The following RBMS3 variants were observed in gnomAD, a reference collection of about 807,000 sequenced individuals.
RBMS3 encodes the protein RNA binding motif single stranded interacting protein 3.
In RBMS3, 27 loss-of-function variants were observed where a neutral mutation model predicts 66.8. That is an observed-to-expected ratio of 0.40 (90% confidence interval 0.30 to 0.56). RBMS3 has a LOEUF of 0.56. RBMS3 is among the 20% of genes least tolerant of loss of function. The pLI is 0.40. For synonymous variants in RBMS3, 188 were observed against 183.0 expected (o/e 1.03, Z -0.22); for missense variants, 513 against 549.5 (o/e 0.93, Z 0.66).
At chr3:29,499,456 C>T (rs1367978327) in intron 3 of RBMS3, among the ~76,000 whole-genome samples, 2 of 152,136 alleles carry the variant, frequency 1.3e-5, no homozygotes, top group African/African-American at 4.8e-5. Context: ...ACTTGATATG[C>T]TTCTTCAAAG....
intron 1 of RBMS3, among the ~76,000 whole-genome samples, chr3:29,369,922 T>C (rs28515521): frequency 0.12 from 18,132 of 152,076 alleles, 1,233 homozygotes; most frequent in East Asian, 0.25. Flanking sequence ...ATTCCAAACC[T>C]CCGAGACTTT....
chr3:29,854,392 T>G (rs1271412471), intron 6 of RBMS3, among the ~76,000 whole-genome samples: 1 of 152,238 alleles, frequency 6.6e-6, no homozygotes, highest in Non-Finnish European at 1.5e-5. Flanking sequence ...GGAAAGGGGT[T>G]CTTCCTCCTG....
chr3:29,838,211 C>T (rs1016908381), intron 6 of RBMS3, among the ~76,000 whole-genome samples: 1 of 147,632 alleles, frequency 6.8e-6, no homozygotes. Context: ...TGATGGTGTG[C>T]ACCTGAAATC....
chr3:30,001,044 AAAG>A (rs767008639), intron 14 of RBMS3, among the ~76,000 whole-genome samples: 88 of 151,356 alleles, frequency 5.8e-4, no homozygotes, highest in Non-Finnish European at 8.1e-4. Flanking sequence ...ATAATAAAAA[AAAG>A]AAAAGAAAAA....
chr3:29,960,061 C>T (rs1270214512), intron 12 of RBMS3, among the ~76,000 whole-genome samples: 11 of 152,122 alleles, frequency 7.2e-5, no homozygotes, highest in Non-Finnish European at 4.4e-5. Flanking sequence ...CAGCGTTAAC[C>T]CAAAAGTCCA....
At chr3:29,410,558 A>G (rs1388858997) in intron 1 of RBMS3, among the ~76,000 whole-genome samples, 1 of 152,208 alleles carries the variant, frequency 6.6e-6, no homozygotes, top group Non-Finnish European at 1.5e-5. Context: ...TGGTACCACC[A>G]ACCTTAGGGG....
At chr3:29,795,088 C>T (rs1416541593) in intron 6 of RBMS3, among the ~76,000 whole-genome samples, 1 of 152,190 alleles carries the variant, frequency 6.6e-6, no homozygotes, top group Non-Finnish European at 1.5e-5. Context: ...AAATACTTCT[C>T]TACTTGCCTC....
intron 6 of RBMS3, among the ~76,000 whole-genome samples, chr3:29,811,390 C>G (rs1003010232): frequency 6.6e-6 from 1 of 152,158 alleles, no homozygotes. Flanking sequence ...TGCTGTACAG[C>G]AGGACAGTCT....
chr3:29,962,568 A>ATATATATAT (rs199824648), intron 12 of RBMS3, among the ~76,000 whole-genome samples: 5 of 149,500 alleles, frequency 3.3e-5, no homozygotes, highest in African/African-American at 7.6e-5. Flanking sequence ...ATATATATAT[A>ATATATATAT]ATACCATACC....
At chr3:29,519,845 A>G (rs780011400) in intron 3 of RBMS3, among the ~76,000 whole-genome samples, 1 of 152,130 alleles carries the variant, frequency 6.6e-6, no homozygotes. Flanking sequence ...AATAACTTTT[A>G]CTGTGATTTA....
rs982265667 is a variant in RBMS3, at chr3:29,707,791, C to T, written c.400-31929C>T. Among the ~76,000 whole-genome samples the T allele has an allele frequency of 2.1e-4, 32 of 152,212 alleles. 1 individual carries two copies. The highest frequency in any genetic ancestry group is 1.5e-5 in the Non-Finnish European group (1 of 68,038). ...CCAAACGAGGGTAGGAATGGAAAGA[C>T]TATCAAGTGCCAGTAAGTCCATTTG... On this transcript the variant is annotated intron_variant, in intron 4 of 14. Transcript: ENST00000383767.
At chr3:29,579,426 A>G (rs1466343040) in intron 3 of RBMS3, among the ~76,000 whole-genome samples, 1 of 152,124 alleles carries the variant, frequency 6.6e-6, no homozygotes, top group Non-Finnish European at 1.5e-5. Flanking sequence ...GGAATAGTCT[A>G]TTGTTCTACC....
chr3:29,508,891 T>G (rs1339330504), intron 3 of RBMS3, among the ~76,000 whole-genome samples: 3 of 151,428 alleles, frequency 2.0e-5, no homozygotes, highest in Non-Finnish European at 4.4e-5. Context: ...TGATCGCCAT[T>G]CTAACTGGCG....
At chr3:29,404,783 A>C (rs2039945518) in intron 1 of RBMS3, among the ~76,000 whole-genome samples, 4 of 152,116 alleles carry the variant, frequency 2.6e-5, no homozygotes, top group Admixed American at 2.6e-4. Context: ...TGAAGATGGC[A>C]AAGTACCTGC....
At chr3:29,815,113 CA>C (rs1423114700) in intron 6 of RBMS3, among the ~76,000 whole-genome samples, 1 of 152,172 alleles carries the variant, frequency 6.6e-6, no homozygotes, top group Non-Finnish European at 1.5e-5. Flanking sequence ...CTCCCTAACA[CA>C]CTCTGAAGGG....
At chr3:29,418,775 T>G (rs1023072651) in intron 1 of RBMS3, among the ~76,000 whole-genome samples, 3 of 152,232 alleles carry the variant, frequency 2.0e-5, no homozygotes, top group Admixed American at 6.5e-5. Context: ...CTGATGGATC[T>G]TAATTCATTT....
chr3:29,890,341 G>T (rs2053858), intron 8 of RBMS3, among the ~76,000 whole-genome samples: 39,256 of 151,418 alleles, frequency 0.26, 5,230 homozygotes, highest in Admixed American at 0.29. Flanking sequence ...TAACATAAGT[G>T]TCCATAATAA....
intron 6 of RBMS3, among the ~76,000 whole-genome samples, chr3:29,801,430 A>T (rs2057386805): frequency 6.6e-6 from 1 of 151,260 alleles, no homozygotes; most frequent in African/African-American, 2.4e-5. Context: ...ACCACACCTA[A>T]CTAATTTTTG....
At chr3:29,593,428 TTC>T (rs2047829333) in intron 4 of RBMS3, among the ~76,000 whole-genome samples, 1 of 152,188 alleles carries the variant, frequency 6.6e-6, no homozygotes, top group Non-Finnish European at 1.5e-5. Context: ...ACATAGAGGC[TTC>T]TCAAGGGCTC....
Sources: gnomAD v4.1 joint callset for allele counts (sites outside exome capture counted in the v4.1 genomes callset) on GRCh38, gnomAD v4.1.1 for gene constraint, MANE v1.5 for transcripts, NCBI Gene and HGNC (gene_info 2026-07-23, HGNC 2026-07-21) for gene names.